Variants in FREM1 observed in about 807,000 individuals in gnomAD.
The protein encoded by FREM1 is FRAS1-related extracellular matrix protein 1.
A neutral mutation model predicts 210.1 loss-of-function variants in FREM1; 220 were observed. The observed-to-expected ratio is 1.05, with a 90% CI of 0.94 to 1.17. FREM1 has a LOEUF of 1.17. Ranked by LOEUF, FREM1 falls within the 50% of genes most tolerant of loss-of-function variation. The pLI is 0.00. For missense variants in FREM1, 3,454 were observed against 2,675.5 expected (o/e 1.29, Z -6.42); for synonymous variants, 1,189 against 980.2 (o/e 1.21, Z -3.98).
chr9:14,904,688 G>T (rs560975588), intron 1 of FREM1, among the ~76,000 whole-genome samples: 82 of 152,334 alleles, frequency 5.4e-4, no homozygotes, highest in African/African-American at 1.9e-3. Flanking sequence ...CTGAGGTACA[G>T]ACACAGAACA....
chr9:14,876,800 T>A (rs1457864791), intron 1 of FREM1, among the ~76,000 whole-genome samples: 1 of 152,204 alleles, frequency 6.6e-6, no homozygotes, highest in African/African-American at 2.4e-5. Context: ...AGACTGGAGC[T>A]GTTCCTATTC....
intron 1 of FREM1, among the ~76,000 whole-genome samples, chr9:14,885,003 C>T (rs1007223817): frequency 2.4e-5 from 3 of 125,636 alleles, no homozygotes; most frequent in African/African-American, 3.5e-5. Flanking sequence ...CGGCTCACTG[C>T]AAGCTCCGCC....
rs1564101889 is a variant in FREM1, at chr9:14,860,806, T to TAC, written c.330-1324_330-1323dup. On this transcript the variant is annotated intron_variant, in intron 3 of 36. Transcript: ENST00000380880. ...ACATATATACATATATACACATATA[T>TAC]ACATATATACACATATATACATATA... is the stretch of plus-strand genomic sequence containing the variant. Among the ~76,000 whole-genome samples, 16 of 119,328 alleles carry TAC rather than the reference T, an allele frequency of 1.3e-4. 1 individual carries two copies. The highest frequency in any genetic ancestry group is 5.0e-4 in the African/African-American group (15 of 29,908). The allele number at this position is 119,328 out of a possible 152,430, so 78.3% of individuals were successfully genotyped here.
intron 1 of FREM1, among the ~76,000 whole-genome samples, chr9:14,890,936 A>G (rs1057053526): frequency 6.6e-6 from 1 of 152,234 alleles, no homozygotes; most frequent in Admixed American, 6.5e-5. Flanking sequence ...AGAGCGTTGT[A>G]TCATACAATT....
chr9:14,808,208 T>C lies in FREM1; in HGVS notation c.2894-74A>G. The C allele has an allele frequency of 9.7e-6, 9 of 927,130 alleles. No homozygotes were observed. The South Asian group carries it at 9.8e-5, about 10-fold the overall frequency. The allele number at this position is 927,130 out of a possible 1,614,324, so 57.4% of individuals were successfully genotyped here. On this transcript the variant is annotated intron_variant, in intron 16 of 36. Transcript: ENST00000380880. ...TACCAAGATGAAATCTACTCACACC[T>C]CTTCTACAAGCATTGAAACAGCAAG...
chr9:14,860,791 A>G (rs1393527644), intron 3 of FREM1, among the ~76,000 whole-genome samples: 16 of 103,254 alleles, frequency 1.5e-4, no homozygotes, highest in African/African-American at 3.7e-4. Context: ...ACATATATAC[A>G]TATATACACA....
intron 3 of FREM1, among the ~76,000 whole-genome samples, chr9:14,861,270 CAT>C (rs1830432113): frequency 1.3e-5 from 1 of 79,372 alleles, no homozygotes; most frequent in East Asian, 5.9e-4. Context: ...CACATATACA[CAT>C]ATATACATAT....
At chr9:14,892,345 G>A (rs1020077485) in intron 1 of FREM1, among the ~76,000 whole-genome samples, 9 of 152,268 alleles carry the variant, frequency 5.9e-5, no homozygotes, top group South Asian at 4.1e-4. Context: ...GCATTTACCA[G>A]AGTAAATGAC....
intron 1 of FREM1, among the ~76,000 whole-genome samples, chr9:14,898,395 T>A (rs1719056907): frequency 6.6e-6 from 1 of 152,244 alleles, no homozygotes; most frequent in Admixed American, 6.5e-5. Flanking sequence ...TAAAATTTAT[T>A]TTAAAAGCTA....
intron 23 of FREM1, among the ~76,000 whole-genome samples, chr9:14,788,516 T>G (rs1494349): frequency 0.044 from 6,662 of 152,322 alleles, 158 homozygotes; most frequent in South Asian, 0.086. Context: ...ATTTATTATT[T>G]TATTGTTTTA....
intron 19 of FREM1, among the ~76,000 whole-genome samples, chr9:14,802,539 C>A (rs762031543): frequency 6.6e-6 from 1 of 152,164 alleles, no homozygotes; most frequent in African/African-American, 2.4e-5. Context: ...ACACCCACTT[C>A]AGGTTTCATA....
intron 31 of FREM1, among the ~76,000 whole-genome samples, chr9:14,748,191 ATATC>A (rs1180281652): frequency 6.6e-6 from 1 of 152,184 alleles, no homozygotes; most frequent in Non-Finnish European, 1.5e-5. Flanking sequence ...ATGAATCAGC[ATATC>A]TATCACCTCA....
At position 14,842,451 on chromosome 9, in the gene FREM1, C is replaced by G; in HGVS notation, c.1603G>C (p.Gly535Arg). Residue 535 changes from glycine to arginine, a missense_variant, in exon 9 of 37, where the codon GGG (glycine) becomes CGG (arginine). Transcript: ENST00000380880. Reference sequence around the variant, plus strand: ...GATCCCTGGATCAGGATGGTCTGCCCCTCCTCCAGTTCAATCACAACATTG... The same window carrying G: ...GATCCCTGGATCAGGATGGTCTGCCGCTCCTCCAGTTCAATCACAACATTG... ...ITNVVIELEEGQTILIQGSML... is the reference protein window; with the variant it reads ...ITNVVIELEERQTILIQGSML... 1 of 1,614,004 alleles carries G rather than the reference C, an allele frequency of 6.2e-7. No homozygotes were observed. The highest frequency in any genetic ancestry group is 1.1e-5 in the South Asian group (1 of 91,086).
intron 8 of FREM1, among the ~76,000 whole-genome samples, chr9:14,842,960 A>G (rs536644794): frequency 1.3e-5 from 2 of 152,342 alleles, no homozygotes; most frequent in South Asian, 4.1e-4. Context: ...TAACTGGGCT[A>G]AGGAATGCCC....
At chr9:14,893,545 T>C (rs1383969782) in intron 1 of FREM1, among the ~76,000 whole-genome samples, 1 of 152,200 alleles carries the variant, frequency 6.6e-6, no homozygotes, top group African/African-American at 2.4e-5. Context: ...TTATATGTGT[T>C]GTGTGTGTAA....
At chr9:14,763,701 C>G (rs1392292500) in intron 27 of FREM1, among the ~76,000 whole-genome samples, 1 of 152,172 alleles carries the variant, frequency 6.6e-6, no homozygotes, top group Non-Finnish European at 1.5e-5. Context: ...ATCACAATGT[C>G]TTTCCCAAAC....
In FREM1 at chr9:14,746,810, A is replaced by G. The variant is rs1226623062; in HGVS notation, c.6138+113T>C. 6 of 1,300,416 alleles carry G rather than the reference A, an allele frequency of 4.6e-6. No individual in the cohort carries two copies. In the East Asian group the frequency reaches 7.5e-5, roughly 16 times the overall value. The allele number at this position is 1,300,416 out of a possible 1,614,324, so 80.6% of individuals were successfully genotyped here. ...CCTCTTGGCCTTCAAGTTGTTAACAATGGCAGGAAGATGTAGCATGGGTTG... is the reference window on the plus strand; with the variant it reads ...CCTCTTGGCCTTCAAGTTGTTAACAGTGGCAGGAAGATGTAGCATGGGTTG... On this transcript the variant is annotated intron_variant, in intron 34 of 36. Coordinates refer to ENST00000380880, the MANE Select transcript of FREM1 (RefSeq NM_001379081.2).
intron 1 of FREM1, among the ~76,000 whole-genome samples, chr9:14,878,277 C>G (rs1038960715): frequency 1.3e-5 from 2 of 152,088 alleles, no homozygotes; most frequent in Admixed American, 6.5e-5. Context: ...CCTGTCCCAG[C>G]CACTCTAATA....
At chr9:14,840,085 C>A (rs1825382232) in intron 10 of FREM1, among the ~76,000 whole-genome samples, 1 of 152,224 alleles carries the variant, frequency 6.6e-6, no homozygotes. Flanking sequence ...TGGAATCATT[C>A]TTCCTGATCA....
Sources: allele counts gnomAD v4.1 joint callset (sites outside exome capture counted in the v4.1 genomes callset), GRCh38; gene constraint gnomAD v4.1.1; transcripts MANE v1.5; gene names NCBI Gene and HGNC (gene_info 2026-07-23, HGNC 2026-07-21).